RAP1A: variants seen among roughly 807,000 people sequenced by gnomAD.
RAP1A encodes RAP1A, member of RAS oncogene family, also known as ras-related protein Rap-1A.
A neutral mutation model predicts 26.4 loss-of-function variants in RAP1A; 6 were observed. The observed-to-expected ratio is 0.23, with a 90% CI of 0.12 to 0.45. The LOEUF (loss-of-function observed/expected upper bound fraction) is 0.45. Ranked by LOEUF, RAP1A falls within the 20% of genes least tolerant of loss-of-function variation. The pLI is 0.99. For missense variants in RAP1A, 121 were observed against 217.2 expected, an observed-to-expected ratio of 0.56 and a Z score of 2.78; for synonymous variants, 73 against 79.4, an observed-to-expected ratio of 0.92 and a Z score of 0.43.
At chr1:111,650,471 T>C (rs1173875633) in intron 1 of RAP1A, 2 of 152,356 alleles carry the variant, frequency 1.3e-5, no homozygotes, top group East Asian at 3.9e-4. Context: ...GTCATTCTTA[T>C]GCAGGGGCCA....
At chr1:111,677,925 G>A (rs1661177465) in intron 1 of RAP1A, among the ~76,000 whole-genome samples, 1 of 152,182 alleles carries the variant, frequency 6.6e-6, no homozygotes, top group Admixed American at 6.5e-5. Context: ...AGGATGGGGT[G>A]TCACAATATA....
chr1:111,694,390 C>T (rs1661766796), intron 2 of RAP1A, among the ~76,000 whole-genome samples: 1 of 152,142 alleles, frequency 6.6e-6, no homozygotes, highest in Admixed American at 6.6e-5. Flanking sequence ...ATCAAATATT[C>T]CTCTGAGTAA....
intron 1 of RAP1A, among the ~76,000 whole-genome samples, chr1:111,554,662 C>A (rs1657407212): frequency 6.6e-6 from 1 of 152,206 alleles, no homozygotes; most frequent in Non-Finnish European, 1.5e-5. Context: ...AATAATGGCA[C>A]TTGGTACAAG....
chr1:111,617,608 G>C (rs573952772), upstream of RAP1A, among the ~76,000 whole-genome samples: 20 of 151,542 alleles, frequency 1.3e-4, no homozygotes, highest in South Asian at 3.8e-3. Context: ...AATTTTTTTT[G>C]TATTTTTAGT....
intron 3 of RAP1A, among the ~76,000 whole-genome samples, chr1:111,696,269 T>TA (rs1359531298): frequency 6.6e-6 from 1 of 152,188 alleles, no homozygotes; most frequent in East Asian, 1.9e-4. Context: ...TAAACTTTAA[T>TA]AGGAAAGGAT....
upstream of RAP1A, among the ~76,000 whole-genome samples, chr1:111,618,846 G>A (rs77017560): frequency 7.8e-6 from 1 of 128,094 alleles, no homozygotes; most frequent in Admixed American, 7.7e-5. Flanking sequence ...AAATAAAATA[G>A]CCTTCTTCTC....
chr1:111,573,158 A>G (rs578234215), intron 1 of RAP1A, among the ~76,000 whole-genome samples: 55 of 152,326 alleles, frequency 3.6e-4, no homozygotes, highest in African/African-American at 1.3e-3. Context: ...ATTGATGGGC[A>G]TTTAGTTCAT....
chr1:111,579,977 G>A (rs544096964), intron 1 of RAP1A, among the ~76,000 whole-genome samples: 52 of 152,124 alleles, frequency 3.4e-4, no homozygotes, highest in African/African-American at 1.2e-3. Context: ...TGTATTTTTA[G>A]TAGAGTCAGG....
intron 1 of RAP1A, among the ~76,000 whole-genome samples, chr1:111,675,685 C>T (rs566077704): frequency 1.3e-5 from 2 of 152,290 alleles, no homozygotes; most frequent in East Asian, 1.9e-4. Context: ...AAATACTTTG[C>T]AAATGCCTGA....
intron 1 of RAP1A, among the ~76,000 whole-genome samples, chr1:111,642,574 G>A (rs1402262044): frequency 5.3e-5 from 8 of 150,952 alleles, no homozygotes; most frequent in Non-Finnish European, 1.0e-4. Flanking sequence ...TGCAAGCTCC[G>A]CTTCCTAGGT....
In RAP1A at chr1:111,691,333, G is replaced by C. The variant is rs1189652238; in HGVS notation, c.-27-1G>C. 5 of 1,600,778 alleles carry C rather than the reference G, an allele frequency of 3.1e-6. No individual in the cohort carries two copies. The highest frequency in any genetic ancestry group is 4.3e-6 in the Non-Finnish European group (5 of 1,169,824). ...CTTTGATTTTTTTGTTTGTTTTTCAGATCGTCAGTATTTAAACAGATCACA... is the reference window on the plus strand; with the variant it reads ...CTTTGATTTTTTTGTTTGTTTTTCACATCGTCAGTATTTAAACAGATCACA... On this transcript the variant is annotated splice_acceptor_variant, in intron 1 of 7. Coordinates refer to ENST00000369709, the MANE Select transcript of RAP1A (RefSeq NM_002884.4). LOFTEE classifies it low-confidence loss of function (5UTR_SPLICE).
chr1:111,699,803 C>G (rs766885939), intron 4 of RAP1A, among the ~76,000 whole-genome samples: 1 of 151,992 alleles, frequency 6.6e-6, no homozygotes, highest in Non-Finnish European at 1.5e-5. Flanking sequence ...AACTTCGTTA[C>G]AACCTGTAGT....
chr1:111,675,633 A>G (rs1661104268), intron 1 of RAP1A, among the ~76,000 whole-genome samples: 1 of 152,088 alleles, frequency 6.6e-6, no homozygotes, highest in Admixed American at 6.5e-5. Context: ...CATACTTTTC[A>G]TTTTTGTTTC....
At chr1:111,691,881 ACAGT>A (rs1661680457) in intron 2 of RAP1A, among the ~76,000 whole-genome samples, 1 of 152,216 alleles carries the variant, frequency 6.6e-6, no homozygotes, top group African/African-American at 2.4e-5. Flanking sequence ...GTGAATGAAA[ACAGT>A]CATAGTTTCT....
intron 7 of RAP1A, among the ~76,000 whole-genome samples, chr1:111,711,936 C>T (rs1016884416): frequency 4.6e-5 from 7 of 152,172 alleles, no homozygotes; most frequent in African/African-American, 1.7e-4. Context: ...TGGGGATTAG[C>T]TCTTTCTGTA....
At chr1:111,601,219 T>C (rs930345704) in intron 1 of RAP1A, among the ~76,000 whole-genome samples, 1 of 152,226 alleles carries the variant, frequency 6.6e-6, no homozygotes, top group African/African-American at 2.4e-5. Flanking sequence ...GTGATCACCG[T>C]GGGATCTTTT....
At chr1:111,569,332 G>C (rs936679616) in intron 1 of RAP1A, among the ~76,000 whole-genome samples, 1 of 151,498 alleles carries the variant, frequency 6.6e-6, no homozygotes, top group Non-Finnish European at 1.5e-5. Flanking sequence ...CCAGGAGGTG[G>C]AGGTTGCAGT....
chr1:111,631,847 A>G (rs998500981), intron 1 of RAP1A, among the ~76,000 whole-genome samples: 2 of 152,170 alleles, frequency 1.3e-5, no homozygotes, highest in Non-Finnish European at 2.9e-5. Context: ...AAACACTTAC[A>G]AAGTATAATT....
intron 6 of RAP1A, among the ~76,000 whole-genome samples, chr1:111,708,521 G>T (rs1662271572): frequency 6.6e-6 from 1 of 152,224 alleles, no homozygotes; most frequent in Admixed American, 6.5e-5. Flanking sequence ...AAACTGCAAT[G>T]TGTGATCCTG....
Sources: allele counts gnomAD v4.1 joint callset (sites outside exome capture counted in the v4.1 genomes callset), GRCh38; gene constraint gnomAD v4.1.1; transcripts MANE v1.5; gene names NCBI Gene and HGNC (gene_info 2026-07-23, HGNC 2026-07-21).